Variants in CBFA2T3 observed in about 807,000 individuals in gnomAD.
CBFA2T3 encodes CBFA2/RUNX1 partner transcriptional co-repressor 3.
A neutral mutation model predicts 58.6 loss-of-function variants in CBFA2T3; 31 were observed. That is an observed-to-expected ratio of 0.53 (90% confidence interval 0.40 to 0.71). The LOEUF (loss-of-function observed/expected upper bound fraction) is 0.71, where lower values mean the gene tolerates loss of function less well. CBFA2T3 is among the 30% of genes least tolerant of loss of function. CBFA2T3 has a pLI of 0.00. For missense variants in CBFA2T3, 1,076 were observed against 963.1 expected (o/e 1.12, Z -1.55); for synonymous variants, 531 against 421.9 (o/e 1.26, Z -3.17).
intron 1 of CBFA2T3, among the ~76,000 whole-genome samples, chr16:88,935,811 C>T (rs1971479791): frequency 6.6e-6 from 1 of 152,234 alleles, no homozygotes; most frequent in Non-Finnish European, 1.5e-5. Flanking sequence ...TGGTCCCAGT[C>T]CAGACACACA....
In CBFA2T3 at chr16:88,885,745, C is replaced by A. The variant is rs148482477; in HGVS notation, c.893+216G>T. The A allele has an allele frequency of 3.5e-6, 2 of 569,070 alleles. No homozygotes were observed. The highest frequency in any genetic ancestry group is 6.3e-6 in the Non-Finnish European group (2 of 319,950). 35.3% of individuals were successfully genotyped at this position (569,070 alleles called of 1,614,324 possible). ...AGCCTCCTCCCTGTCCTCCTAGGCT[C>A]CCCGGAGCATCTGAGTCTGCAGCCC... On this transcript the variant is annotated intron_variant, in intron 6 of 11. Transcript: ENST00000268679. This position sits in a 1 kb window ranked among gnomAD's most constrained non-coding sequence, Gnocchi z 5.3.
At chr16:88,971,905 G>A (rs980881553) in intron 1 of CBFA2T3, among the ~76,000 whole-genome samples, 8 of 152,216 alleles carry the variant, frequency 5.3e-5, no homozygotes, top group African/African-American at 1.4e-4. Context: ...CCTGCCCAGC[G>A]CCCAGGCAGG....
At chr16:88,965,108 C>A (rs1972467932) in intron 1 of CBFA2T3, among the ~76,000 whole-genome samples, 1 of 151,112 alleles carries the variant, frequency 6.6e-6, no homozygotes, top group South Asian at 2.1e-4. Flanking sequence ...TCCATCCATC[C>A]ATCCATCCAT....
intron 1 of CBFA2T3, among the ~76,000 whole-genome samples, chr16:88,904,524 T>C (rs976668955): frequency 2.0e-5 from 3 of 152,210 alleles, no homozygotes; most frequent in African/African-American, 7.2e-5. Flanking sequence ...TTGCCTCCTT[T>C]TAGGCCTCAA....
In CBFA2T3 at chr16:88,901,557, G is replaced by C; in HGVS notation, c.251C>G (p.Pro84Arg). 6.8e-7 allele frequency: 1 copy of C among 1,474,068 alleles called. No individual in the cohort carries two copies. The highest frequency in any genetic ancestry group is 9.0e-7 in the Non-Finnish European group (1 of 1,113,680). 91.3% of individuals were successfully genotyped at this position (1,474,068 alleles called of 1,614,324 possible). Residue 84 changes from proline (P) to arginine (R), a missense_variant, in exon 2 of 12, where the codon CCG (proline) becomes CGG (arginine). Physicochemically the swap from Pro to Arg is moderately radical, Grantham distance 103 (BLOSUM62 -2). Coordinates refer to ENST00000268679, the MANE Select transcript of CBFA2T3 (RefSeq NM_005187.6). ...RSTPPSMPPP[P>R]PAASQGATRP... Reference sequence around the variant, plus strand: ...TGTGGCCCCCTGGGATGCGGCAGGCGGTGGGGGCGGCATGCTGGGGGGTGT... The same window carrying C: ...TGTGGCCCCCTGGGATGCGGCAGGCCGTGGGGGCGGCATGCTGGGGGGTGT...
In CBFA2T3 at chr16:88,967,378, G is replaced by A. The variant is rs575984003; in HGVS notation, c.151+9279C>T. Among the ~76,000 whole-genome samples the A allele has an allele frequency of 5.9e-5, 9 of 152,246 alleles. No individual in the cohort carries two copies. In the East Asian group the frequency reaches 9.7e-4, roughly 16 times the overall value. On this transcript the variant is annotated intron_variant, in intron 1 of 11. Transcript: ENST00000268679. The stretch of plus-strand genomic sequence containing the variant: ...CACACTGCCTGGGAGCGACGGGGAC[G>A]GGGCAGGATGCCTGGGGACGGCTTT...
At chr16:88,950,877 C>T in intron 1 of CBFA2T3, 1 of 354,322 alleles carries the variant, frequency 2.8e-6, no homozygotes, top group Non-Finnish European at 5.5e-6. Context: ...TTCACCCCTC[C>T]CCTGGATCGG....
chr16:88,942,138 C>T (rs1971764734), intron 1 of CBFA2T3, among the ~76,000 whole-genome samples: 1 of 152,212 alleles, frequency 6.6e-6, no homozygotes, highest in Admixed American at 6.5e-5. Context: ...ACGCCCCGAG[C>T]CGCTGCTCTG....
intron 1 of CBFA2T3, among the ~76,000 whole-genome samples, chr16:88,973,696 G>T (rs558416416): frequency 4.1e-4 from 63 of 152,296 alleles, no homozygotes; most frequent in African/African-American, 1.4e-3. Context: ...ATGGCCACTT[G>T]AGGGGATGGA....
At chr16:88,927,094 C>A (rs150901532) in intron 1 of CBFA2T3, among the ~76,000 whole-genome samples, 2,246 of 152,332 alleles carry the variant, frequency 0.015, 23 homozygotes, top group African/African-American at 0.026. Context: ...AACATCATCG[C>A]TGCTCCCTTC....
intron 1 of CBFA2T3, among the ~76,000 whole-genome samples, chr16:88,910,302 C>T (rs1970489409): frequency 1.3e-5 from 2 of 152,192 alleles, no homozygotes; most frequent in African/African-American, 4.8e-5. Context: ...CCTGGCTCCC[C>T]TCCTGTCACC....
chr16:88,885,873 A>G lies in CBFA2T3; in HGVS notation c.893+88T>C. 1.7e-6 allele frequency: 2 copies of G among 1,211,366 alleles called. No homozygotes were observed. Among genetic ancestry groups the G allele is most frequent in the Non-Finnish European group, 2.3e-6 (2 of 864,174 alleles). The allele number at this position is 1,211,366 out of a possible 1,614,324, so 75.0% of individuals were successfully genotyped here. ...CCGGCCGGGCTGGCTGCAGCCCCAG[A>G]GGAGGTTCCCTCTCTTACCCAGAGG... On this transcript the variant is annotated intron_variant, in intron 6 of 11. Transcript: ENST00000268679. The surrounding 1 kb of genome is among the most constrained non-coding windows in gnomAD (Gnocchi z 5.3).
At chr16:88,888,971 C>T (rs893233398) in intron 5 of CBFA2T3, among the ~76,000 whole-genome samples, 1 of 151,824 alleles carries the variant, frequency 6.6e-6, no homozygotes, top group Non-Finnish European at 1.5e-5. Context: ...CCTGACCAGA[C>T]GTCATGGACA....
chr16:88,948,624 C>T (rs1277309144), intron 1 of CBFA2T3, among the ~76,000 whole-genome samples: 3 of 152,360 alleles, frequency 2.0e-5, no homozygotes, highest in African/African-American at 4.8e-5. Context: ...TGACTCACAT[C>T]GGCATCGCTG....
chr16:88,921,630 G>A (rs1970924522), intron 1 of CBFA2T3, among the ~76,000 whole-genome samples: 1 of 152,216 alleles, frequency 6.6e-6, no homozygotes, highest in South Asian at 2.1e-4. Flanking sequence ...GGGGAGGCCT[G>A]GATTTTGTCC....
chr16:88,938,801 A>G (rs988502071), intron 1 of CBFA2T3: 1 of 152,250 alleles, frequency 6.6e-6, no homozygotes, highest in Non-Finnish European at 1.5e-5. Context: ...TTCAAGCACC[A>G]TCCTTCCACC....
rs1254642451 is a variant in CBFA2T3 at position 88,953,947 on chromosome 16, A to C, written c.151+22710T>G. ...GTGGGCTGTGCTCCTGCCCTGGGCA[A>C]ATGAGGGCAGGCGGCCTCTAACAGC... On this transcript the variant is annotated intron_variant, in intron 1 of 11. Transcript: ENST00000268679. This position sits in a 1 kb window ranked among gnomAD's most constrained non-coding sequence, Gnocchi z 4.9. 6.6e-6 allele frequency among the ~76,000 whole-genome samples: 1 copy of C among 152,062 alleles called. No individual in the cohort carries two copies. The highest frequency in any genetic ancestry group is 1.5e-5 in the Non-Finnish European group (1 of 67,978).
intron 1 of CBFA2T3, among the ~76,000 whole-genome samples, chr16:88,907,657 G>C (rs1038778463): frequency 1.3e-5 from 2 of 152,220 alleles, no homozygotes; most frequent in African/African-American, 4.8e-5. Context: ...GGCCACAGAG[G>C]GCACCTGCAG....
At chr16:88,894,496 TGCA>T (rs1463106950) in intron 3 of CBFA2T3, among the ~76,000 whole-genome samples, 1 of 117,706 alleles carries the variant, frequency 8.5e-6, no homozygotes, top group Non-Finnish European at 1.7e-5. Flanking sequence ...TGTACACACA[TGCA>T]CACACACATG....
Sources: gnomAD v4.1 joint callset for allele counts (sites outside exome capture counted in the v4.1 genomes callset) on GRCh38, gnomAD v4.1.1 for gene constraint, Gnocchi (gnomAD v3.1) non-coding constraint, MANE v1.5 for transcripts, NCBI Gene and HGNC (gene_info 2026-07-23, HGNC 2026-07-21) for gene names.